Variants in SRD5A2 observed in about 807,000 individuals in gnomAD.
SRD5A2 encodes the protein steroid 5 alpha-reductase 2, also known as 3-oxo-5-alpha-steroid 4-dehydrogenase 2.
SRD5A2 carries 30 observed loss-of-function variants against 27.4 expected under a neutral mutation model. That is an observed-to-expected ratio of 1.10 (90% confidence interval 0.82 to 1.49). SRD5A2 has a LOEUF of 1.49. Among genes scored for constraint, SRD5A2 ranks in the 40% most tolerant of loss-of-function variants. The pLI is 0.00. For synonymous variants in SRD5A2, 141 were observed against 133.6 expected, an observed-to-expected ratio of 1.06 and a Z score of -0.38; for missense variants, 348 against 323.4, an observed-to-expected ratio of 1.08 and a Z score of -0.58.
chr2:31,600,292 CAT>C, the SRD5A2 span, among the ~76,000 whole-genome samples: 1 of 152,038 alleles, frequency 6.6e-6, no homozygotes, highest in Non-Finnish European at 1.5e-5. Context: ...GCAATAAACA[CAT>C]GAGTGCACAC....
the SRD5A2 span, among the ~76,000 whole-genome samples, chr2:31,658,047 C>T: frequency 6.6e-6 from 1 of 152,052 alleles, no homozygotes; most frequent in African/African-American, 2.4e-5. Flanking sequence ...GAAGTACTAG[C>T]CTCAGAGAAC....
At chr2:31,604,934 T>C in the SRD5A2 span, among the ~76,000 whole-genome samples, 14 of 151,804 alleles carry the variant, frequency 9.2e-5, no homozygotes, top group Non-Finnish European at 1.9e-4. Context: ...CAAAACAGCA[T>C]GGTACTGCCA....
chr2:31,567,919 G>C (rs947300337), intron 1 of SRD5A2, among the ~76,000 whole-genome samples: 1 of 152,140 alleles, frequency 6.6e-6, no homozygotes, highest in East Asian at 2.0e-4. Flanking sequence ...CCAAGGGTGA[G>C]CCAGGCACAG....
chr2:31,625,887 A>T, the SRD5A2 span, among the ~76,000 whole-genome samples: 2 of 152,022 alleles, frequency 1.3e-5, no homozygotes, highest in Admixed American at 1.3e-4. Flanking sequence ...GTTTTTTCCA[A>T]TTCTGTGAAG....
chr2:31,621,782 A>G, the SRD5A2 span, among the ~76,000 whole-genome samples: 3 of 151,928 alleles, frequency 2.0e-5, no homozygotes, highest in African/African-American at 7.2e-5. Context: ...AACTACAGGT[A>G]TATACCACCA....
the SRD5A2 span, among the ~76,000 whole-genome samples, chr2:31,657,190 C>CT: frequency 3.2e-4 from 48 of 151,962 alleles, no homozygotes; most frequent in Admixed American, 1.7e-3. Context: ...AATATTGGTT[C>CT]TTTTTTTTGT....
chr2:31,526,405 T>A (rs1665782799), intron 4 of SRD5A2, 143 bp from the exon 5 acceptor site: 2 of 643,286 alleles, frequency 3.1e-6, no homozygotes, highest in South Asian at 3.6e-5. Flanking sequence ...GATTCTTATT[T>A]CTCCTTCCCA....
Position 31,531,433 on chromosome 2 carries a change from T to C in SRD5A2, c.485A>G (p.His162Arg). ...GAGCTGGCGCAATATATAGTCACTA[T>C]GAATGTTTATTCCCATTCCCAAAAT... Reference protein sequence around the residue: ...LFILGMGINIHSDYILRQLRK... With the variant: ...LFILGMGINIRSDYILRQLRK... The change falls in exon 3 of 5, where the codon CAT (histidine) becomes CGT (arginine). Residue 162 changes from histidine to arginine, a missense_variant. Physicochemically the swap from His to Arg is conservative, Grantham distance 29. Transcript: ENST00000622030. The C allele has an allele frequency of 1.9e-6, 3 of 1,601,320 alleles. No individual in the cohort carries two copies. The highest frequency in any genetic ancestry group is 1.1e-5 in the South Asian group (1 of 88,372).
chr2:31,568,712 A>G (rs1558372745), intron 1 of SRD5A2, among the ~76,000 whole-genome samples: 4 of 152,044 alleles, frequency 2.6e-5, no homozygotes, highest in African/African-American at 9.7e-5. Context: ...GCCTCCTGCC[A>G]CCATCCACAT....
chr2:31,538,554 T>C (rs1156779970), intron 1 of SRD5A2, among the ~76,000 whole-genome samples: 5 of 152,202 alleles, frequency 3.3e-5, no homozygotes, highest in Non-Finnish European at 7.3e-5. Context: ...TGGATCATAT[T>C]ACTTCTCTCT....
chr2:31,635,094 T>C, the SRD5A2 span, among the ~76,000 whole-genome samples: 1 of 152,192 alleles, frequency 6.6e-6, no homozygotes, highest in Non-Finnish European at 1.5e-5. Flanking sequence ...TTTTAGTTTT[T>C]TAAGGAACTT....
chr2:31,573,385 G>A (rs755283483), intron 1 of SRD5A2, among the ~76,000 whole-genome samples: 1 of 152,194 alleles, frequency 6.6e-6, no homozygotes, highest in Non-Finnish European at 1.5e-5. Flanking sequence ...CCTATGTTGA[G>A]CTGAGTCTCG....
chr2:31,579,041 T>G (rs1351322814), intron 1 of SRD5A2, among the ~76,000 whole-genome samples: 1 of 152,258 alleles, frequency 6.6e-6, no homozygotes, highest in African/African-American at 2.4e-5. Flanking sequence ...TCTTATCTCC[T>G]GTATCCAACA....
chr2:31,645,891 G>A, the SRD5A2 span, among the ~76,000 whole-genome samples: 1 of 152,066 alleles, frequency 6.6e-6, no homozygotes, highest in Non-Finnish European at 1.5e-5. Flanking sequence ...ATATTCACCT[G>A]ACTACACACA....
chr2:31,662,295 G>A, the SRD5A2 span, among the ~76,000 whole-genome samples: 1 of 151,930 alleles, frequency 6.6e-6, no homozygotes, highest in African/African-American at 2.4e-5. Flanking sequence ...GTGAAGACTT[G>A]GTTTGCAGGT....
chr2:31,586,149 A>G, the SRD5A2 span, among the ~76,000 whole-genome samples: 1 of 152,142 alleles, frequency 6.6e-6, no homozygotes, highest in Non-Finnish European at 1.5e-5. Flanking sequence ...CCATCACCCA[A>G]GCGGTGTACG....
At chr2:31,561,488 C>T (rs901329405) in intron 1 of SRD5A2, among the ~76,000 whole-genome samples, 2 of 152,130 alleles carry the variant, frequency 1.3e-5, no homozygotes, top group Non-Finnish European at 2.9e-5. Context: ...TCTGGCAGAT[C>T]CATTTAAATC....
At chr2:31,566,550 A>G (rs774496011) in intron 1 of SRD5A2, among the ~76,000 whole-genome samples, 5 of 152,306 alleles carry the variant, frequency 3.3e-5, no homozygotes, top group Middle Eastern at 3.4e-3. Context: ...TTAAAAGGAT[A>G]ATAGTTTGGA....
the SRD5A2 span, among the ~76,000 whole-genome samples, chr2:31,602,204 T>A: frequency 1.2e-4 from 18 of 152,208 alleles, no homozygotes; most frequent in South Asian, 3.7e-3. Context: ...GATAGCAACT[T>A]CAGCAAAGTT....
Sources: gnomAD v4.1 joint callset for allele counts (sites outside exome capture counted in the v4.1 genomes callset) on GRCh38, gnomAD v4.1.1 for gene constraint, MANE v1.5 for transcripts, NCBI Gene and HGNC (gene_info 2026-07-23, HGNC 2026-07-21) for gene names.